Variants in NSMCE2 observed in about 807,000 individuals in gnomAD.
NSMCE2 encodes the protein NSE2 SUMO ligase component of SMC5/6 complex.
Under a neutral mutation model 23.8 loss-of-function variants are expected in NSMCE2, and 24 were observed. The ratio of observed to expected loss-of-function variants is 1.01; its 90% CI spans 0.73 to 1.42. The LOEUF (loss-of-function observed/expected upper bound fraction) is 1.42, where lower values mean the gene tolerates loss of function less well. NSMCE2 is among the 40% of genes most tolerant of loss of function. The pLI, the probability that NSMCE2 is intolerant of heterozygous loss-of-function variation, is 0.00. For synonymous variants in NSMCE2, 92 were observed against 94.1 expected, an observed-to-expected ratio of 0.98 and a Z score of 0.13; for missense variants, 284 against 296.5, an observed-to-expected ratio of 0.96 and a Z score of 0.31.
chr8:125,333,959 G>GA (rs1325123872), intron 5 of NSMCE2, among the ~76,000 whole-genome samples: 5 of 152,138 alleles, frequency 3.3e-5, no homozygotes, highest in African/African-American at 1.2e-4. Context: ...TCAGAGCTCA[G>GA]GTCACCCTCA....
chr8:125,161,568 C>T (rs993743180), intron 4 of NSMCE2, among the ~76,000 whole-genome samples: 5 of 152,036 alleles, frequency 3.3e-5, no homozygotes, highest in South Asian at 2.1e-4. Flanking sequence ...GAGGCTGAGG[C>T]GGTTGGATCA....
intron 4 of NSMCE2, among the ~76,000 whole-genome samples, chr8:125,174,587 A>G (rs545264339): frequency 1.3e-5 from 2 of 152,330 alleles, no homozygotes; most frequent in African/African-American, 2.4e-5. Context: ...TTCAGCTTCC[A>G]TCTGTTAGAC....
intron 5 of NSMCE2, among the ~76,000 whole-genome samples, chr8:125,324,201 G>A (rs1829556360): frequency 6.6e-6 from 1 of 152,164 alleles, no homozygotes; most frequent in Non-Finnish European, 1.5e-5. Context: ...GTGTTGGCAA[G>A]TCTAGGCAGA....
At chr8:125,210,488 A>G (rs1314478621) in intron 5 of NSMCE2, among the ~76,000 whole-genome samples, 1 of 152,298 alleles carries the variant, frequency 6.6e-6, no homozygotes, top group East Asian at 1.9e-4. Flanking sequence ...GGATTACATT[A>G]TACACACATG....
chr8:125,307,249 C>G (rs1354786724), intron 5 of NSMCE2, among the ~76,000 whole-genome samples: 1 of 152,192 alleles, frequency 6.6e-6, no homozygotes, highest in Admixed American at 6.5e-5. Context: ...TTTCCAATCA[C>G]ATGTGCAATG....
At chr8:125,104,672 ACT>A (rs761930608) in intron 3 of NSMCE2, among the ~76,000 whole-genome samples, 7 of 151,938 alleles carry the variant, frequency 4.6e-5, no homozygotes, top group Non-Finnish European at 4.4e-5. Context: ...TAGCTCCCTC[ACT>A]CTCTTGCAAA....
In NSMCE2 at chr8:125,360,037, C is replaced by T. The variant is rs180741368; in HGVS notation, c.626+2219C>T. Among the ~76,000 whole-genome samples the T allele has an allele frequency of 5.1e-4, 77 of 152,220 alleles. 2 individuals carry two copies. The South Asian group carries it at 0.011, about 23-fold the overall frequency. The stretch of plus-strand genomic sequence containing the variant: ...AGAGTGATTGTGGAGGTACAGTTAA[C>T]GACATTTGACGACTGACTGAATGTA... On this transcript the variant is annotated intron_variant, in intron 7 of 7. Transcript: ENST00000287437.
At chr8:125,271,229 G>A (rs911775800) in intron 5 of NSMCE2, among the ~76,000 whole-genome samples, 5 of 148,682 alleles carry the variant, frequency 3.4e-5, no homozygotes, top group Admixed American at 6.8e-5. Flanking sequence ...CCATTGCACT[G>A]CAGACTGGGC....
intron 3 of NSMCE2, among the ~76,000 whole-genome samples, chr8:125,132,307 G>C (rs973703924): frequency 6.6e-6 from 1 of 152,082 alleles, no homozygotes; most frequent in African/African-American, 2.4e-5. Flanking sequence ...TCACTATGTT[G>C]GCCAGGCTTA....
chr8:125,130,409 G>A (rs1247987614), intron 3 of NSMCE2: 10 of 365,172 alleles, frequency 2.7e-5, no homozygotes, highest in East Asian at 2.2e-4. Context: ...CAAGTAGCTC[G>A]CTGTATCCAC....
At chr8:125,322,407 T>G (rs895613988) in intron 5 of NSMCE2, among the ~76,000 whole-genome samples, 1 of 152,152 alleles carries the variant, frequency 6.6e-6, no homozygotes, top group African/African-American at 2.4e-5. Flanking sequence ...GAAAAAGCAT[T>G]TGACAAAATC....
chr8:125,301,185 G>C (rs1828547989), intron 5 of NSMCE2, among the ~76,000 whole-genome samples: 1 of 152,160 alleles, frequency 6.6e-6, no homozygotes, highest in South Asian at 2.1e-4. Flanking sequence ...GAATGTGCTA[G>C]AACCCCAGCA....
chr8:125,269,525 A>G lies in NSMCE2; in HGVS notation c.418+87269A>G, dbSNP rs114774990. Among the ~76,000 whole-genome samples, 600 of 152,244 alleles carry G rather than the reference A, an allele frequency of 3.9e-3. 4 individuals carry two copies. Among genetic ancestry groups the G allele is most frequent in the African/African-American group, 0.014 (566 of 41,536 alleles). On this transcript the variant is annotated intron_variant, in intron 5 of 7. Transcript: ENST00000287437. The stretch of plus-strand genomic sequence containing the variant: ...CTGTATTCTGCTCACTGCTTGATCA[A>G]TTTATTTCCTGTGCTCATCATGGCT...
chr8:125,114,736 G>A (rs1342684832), intron 3 of NSMCE2, among the ~76,000 whole-genome samples: 1 of 152,146 alleles, frequency 6.6e-6, no homozygotes, highest in African/African-American at 2.4e-5. Context: ...TGCTGAGGCT[G>A]AGAAACTCTG....
intron 5 of NSMCE2, among the ~76,000 whole-genome samples, chr8:125,222,931 G>T (rs1411709310): frequency 6.6e-6 from 1 of 151,868 alleles, no homozygotes; most frequent in Non-Finnish European, 1.5e-5. Flanking sequence ...GTGTGGTGGT[G>T]TGTGCCTGTA....
chr8:125,273,422 G>A (rs572097790), intron 5 of NSMCE2, among the ~76,000 whole-genome samples: 72 of 152,336 alleles, frequency 4.7e-4, no homozygotes, highest in African/African-American at 1.7e-3. Flanking sequence ...TATGGTAACA[G>A]TTATTTGATC....
chr8:125,176,154 G>T (rs991814428), intron 4 of NSMCE2, among the ~76,000 whole-genome samples: 2 of 152,178 alleles, frequency 1.3e-5, no homozygotes, highest in East Asian at 3.8e-4. Flanking sequence ...GGGGATTTGC[G>T]TGTTTCTTCC....
chr8:125,112,541 T>C (rs950627826), intron 3 of NSMCE2, among the ~76,000 whole-genome samples: 5 of 151,592 alleles, frequency 3.3e-5, no homozygotes, highest in Non-Finnish European at 7.4e-5. Flanking sequence ...GTATACATAA[T>C]GGAATATTAT....
intron 3 of NSMCE2, chr8:125,130,098 C>CTTTT: frequency 3.2e-6 from 1 of 315,132 alleles, no homozygotes; most frequent in Non-Finnish European, 6.4e-6. Flanking sequence ...GTTGGTTTCG[C>CTTTT]TTTTTTTTTT....
Sources: allele counts gnomAD v4.1 joint callset (sites outside exome capture counted in the v4.1 genomes callset), GRCh38; gene constraint gnomAD v4.1.1; transcripts MANE v1.5; gene names NCBI Gene and HGNC (gene_info 2026-07-23, HGNC 2026-07-21).